The following PCDH15 variants were observed in gnomAD, a reference collection of about 807,000 sequenced individuals.
The protein encoded by PCDH15 is protocadherin related 15.
Under a neutral mutation model 178.5 loss-of-function variants are expected in PCDH15, and 129 were observed. That is an observed-to-expected ratio of 0.72 (90% CI 0.63 to 0.84). The LOEUF is 0.84. Ranked by LOEUF, PCDH15 falls within the 40% of genes least tolerant of loss-of-function variation. PCDH15 has a pLI of 0.00. For synonymous variants in PCDH15, 800 were observed against 732.0 expected (o/e 1.09, Z -1.50); for missense variants, 2,230 against 2,099.9 (o/e 1.06, Z -1.21).
intron 2 of PCDH15, among the ~76,000 whole-genome samples, chr10:55,121,362 G>C (rs367737513): frequency 0.029 from 4,310 of 150,242 alleles, 240 homozygotes; most frequent in East Asian, 0.15. Context: ...CAGAGCTGGG[G>C]GGGGGCAATT....
intron 3 of PCDH15, among the ~76,000 whole-genome samples, chr10:54,517,049 T>C (rs972365981): frequency 6.8e-4 from 103 of 151,876 alleles, no homozygotes; most frequent in African/African-American, 2.3e-3. Flanking sequence ...CCAAAAGAGC[T>C]CCTGAAGGAA....
chr10:54,659,559 C>A (rs1438149676), intron 2 of PCDH15, among the ~76,000 whole-genome samples: 3 of 151,968 alleles, frequency 2.0e-5, no homozygotes, highest in Non-Finnish European at 4.4e-5. Flanking sequence ...TCAAGACCCA[C>A]AAGGCCAACA....
chr10:55,506,207 G>A (rs984500555), intron 2 of PCDH15: 2 of 151,430 alleles, frequency 1.3e-5, no homozygotes, highest in Non-Finnish European at 3.0e-5. Context: ...TCTTGGCCTA[G>A]ATAACTAAGT....
At chr10:54,128,008 G>GTTC (rs2042121506) in intron 15 of PCDH15, among the ~76,000 whole-genome samples, 2 of 152,150 alleles carry the variant, frequency 1.3e-5, no homozygotes, top group South Asian at 4.1e-4. Flanking sequence ...TCTCACACAT[G>GTTC]TTCTTGTCTT....
At chr10:55,582,630 T>A (rs12761823) in intron 2 of PCDH15, among the ~76,000 whole-genome samples, 1,064 of 99,956 alleles carry the variant, frequency 0.011, 12 homozygotes, top group African/African-American at 0.039. Context: ...ATATATATAT[T>A]TTTTTTTTTT....
At chr10:55,271,172 TC>T (rs1231593503) in intron 1 of PCDH15, among the ~76,000 whole-genome samples, 1 of 151,896 alleles carries the variant, frequency 6.6e-6, no homozygotes, top group Non-Finnish European at 1.5e-5. Flanking sequence ...GTGAAAAACT[TC>T]CTGTTGGTTA....
At chr10:54,398,165 T>G (rs778299993) in intron 3 of PCDH15, among the ~76,000 whole-genome samples, 12 of 151,902 alleles carry the variant, frequency 7.9e-5, no homozygotes, top group Admixed American at 7.9e-4. Context: ...CTTTAAGATT[T>G]TATTACATAA....
chr10:54,849,048 T>A (rs1040874869), intron 3 of PCDH15, among the ~76,000 whole-genome samples: 6 of 151,282 alleles, frequency 4.0e-5, no homozygotes, highest in South Asian at 4.2e-4. Context: ...TTAAAAAAAA[T>A]TACGTTGAAT....
intron 8 of PCDH15, among the ~76,000 whole-genome samples, chr10:54,281,172 A>G (rs1476248114): frequency 6.6e-6 from 1 of 151,910 alleles, no homozygotes; most frequent in Non-Finnish European, 1.5e-5. Context: ...TTCTCAGCCC[A>G]CTTAAATAAA....
intron 2 of PCDH15, among the ~76,000 whole-genome samples, chr10:55,385,734 C>T (rs1446123066): frequency 1.1e-4 from 15 of 138,960 alleles, no homozygotes; most frequent in African/African-American, 1.8e-4. Flanking sequence ...TATATATACA[C>T]GTATATAGAT....
chr10:54,914,497 C>A (rs1267901051), intron 2 of PCDH15, among the ~76,000 whole-genome samples: 1 of 150,788 alleles, frequency 6.6e-6, no homozygotes, highest in Non-Finnish European at 1.5e-5. Flanking sequence ...CTGAGATTTT[C>A]CTAATTGTTA....
At chr10:55,496,670 C>G (rs1840541551) in intron 2 of PCDH15, among the ~76,000 whole-genome samples, 1 of 151,510 alleles carries the variant, frequency 6.6e-6, no homozygotes, top group African/African-American at 2.4e-5. Context: ...ATAAGAATAG[C>G]TAGGAAAATA....
chr10:54,484,103 C>T (rs1469900561), intron 3 of PCDH15, among the ~76,000 whole-genome samples: 3 of 151,828 alleles, frequency 2.0e-5, no homozygotes, highest in African/African-American at 7.2e-5. Flanking sequence ...TCCAAAACAG[C>T]AATTTTGCTG....
chr10:54,774,458 AAAACAT>A (rs1949475075), intron 1 of PCDH15, among the ~76,000 whole-genome samples: 1 of 152,198 alleles, frequency 6.6e-6, no homozygotes, highest in Non-Finnish European at 1.5e-5. Context: ...TCTTGAAACT[AAAACAT>A]AAATAAGTGT....
chr10:54,461,001 CT>C (rs939722189), intron 3 of PCDH15, among the ~76,000 whole-genome samples: 1 of 151,716 alleles, frequency 6.6e-6, no homozygotes, highest in Non-Finnish European at 1.5e-5. Flanking sequence ...CTAAAGGATT[CT>C]TTTTTATAAA....
At chr10:55,599,880 C>T in intron 2 of PCDH15, 1 of 1,480,186 alleles carries the variant, frequency 6.8e-7, no homozygotes, top group Admixed American at 2.2e-5. Context: ...CACTTGTTCC[C>T]TAAGTAGGGA....
intron 2 of PCDH15, among the ~76,000 whole-genome samples, chr10:54,921,857 G>A (rs1733786): frequency 0.78 from 119,056 of 152,114 alleles, 47,382 homozygotes; most frequent in African/African-American, 0.89. Flanking sequence ...GGGAGGCCTC[G>A]GGAAACTTAC....
intron 2 of PCDH15, among the ~76,000 whole-genome samples, chr10:55,493,556 A>G (rs1840469162): frequency 6.6e-6 from 1 of 151,814 alleles, no homozygotes; most frequent in African/African-American, 2.4e-5. Context: ...AAAAAAAGGG[A>G]AAGAATAAAT....
chr10:55,429,447 C>T (rs1291886962), intron 2 of PCDH15, among the ~76,000 whole-genome samples: 1 of 152,072 alleles, frequency 6.6e-6, no homozygotes, highest in Non-Finnish European at 1.5e-5. Context: ...GAGAACTCTG[C>T]TGTCATGCTT....
Sources: gnomAD v4.1 joint callset for allele counts (sites outside exome capture counted in the v4.1 genomes callset) on GRCh38, gnomAD v4.1.1 for gene constraint, MANE v1.5 for transcripts, NCBI Gene and HGNC (gene_info 2026-07-23, HGNC 2026-07-21) for gene names.